ZNF317: variants seen among roughly 807,000 people sequenced by gnomAD.
ZNF317 encodes the protein zinc finger protein 317, also known as KRAB-containing zinc finger protein 317.
In ZNF317, 17 loss-of-function variants were observed where a neutral mutation model predicts 23.4. That is an observed-to-expected ratio of 0.73 (90% confidence interval 0.50 to 1.09). ZNF317 has a LOEUF of 1.09. ZNF317 is among the 50% of genes least tolerant of loss of function. The pLI is 0.00. For synonymous variants in ZNF317, 317 were observed against 314.9 expected (o/e 1.01, Z -0.07); for missense variants, 679 against 796.7 (o/e 0.85, Z 1.78).
chr19:9,156,335 C>G (rs2050782297), intron 2 of ZNF317, among the ~76,000 whole-genome samples: 1 of 152,156 alleles, frequency 6.6e-6, no homozygotes, highest in South Asian at 2.1e-4. Flanking sequence ...GGTCACAACT[C>G]TAGCTCTCAG....
chr19:9,156,709 C>T lies in ZNF317; in HGVS notation c.123C>T (p.Cys41=). ...CCCAGAATTTGGACCTGTTCGTGTG[C>T]AGTGGTCTGGAGCCTCACACACCCA... ...SCPQNLDLFV[C]SGLEPHTPSV... The change falls in exon 3 of 7, where the codon TGC becomes TGT. Residue 41 remains cysteine (C), a synonymous_variant. Transcript: ENST00000247956. 1.2e-6 allele frequency: 2 copies of T among 1,614,180 alleles called. No individual in the cohort carries two copies. The highest frequency in any genetic ancestry group is 1.7e-6 in the Non-Finnish European group (2 of 1,180,034).
intron 5 of ZNF317, among the ~76,000 whole-genome samples, chr19:9,158,356 C>CTTTTTTCTTTTTTTTTT (rs2050808933): frequency 1.3e-5 from 1 of 74,876 alleles, no homozygotes; most frequent in African/African-American, 6.7e-5. Context: ...CCTTAAATTT[C>CTTTTTTCTTTTTTTTTT]TTTTTTCTTT....
chr19:9,151,993 G>A (rs35023694), intron 1 of ZNF317, among the ~76,000 whole-genome samples: 10,055 of 146,086 alleles, frequency 0.069, 344 homozygotes, highest in Middle Eastern at 0.13. Context: ...TGCAAGCTCC[G>A]CCTCCCAGGT....
chr19:9,140,718 T>C (rs1313844674), intron 1 of ZNF317, 126 bp downstream of exon 1: 10 of 371,322 alleles, frequency 2.7e-5, no homozygotes, highest in Admixed American at 2.4e-4. Context: ...AGACGAGGGG[T>C]GCGTTTAGAT....
Position 9,160,462 on chromosome 19 carries a change from C to G in ZNF317, c.817C>G (p.Leu273Val). Residue 273 changes from leucine to valine, a missense_variant, in exon 7 of 7, where the codon CTC becomes GTC. By Grantham distance (32) the Leu-to-Val change is conservative. Coordinates refer to ENST00000247956, the MANE Select transcript of ZNF317 (RefSeq NM_020933.5). This position sits in a 1 kb window ranked among gnomAD's most constrained non-coding sequence, Gnocchi z 6.8. ...CCTTAGGAGCCACGCAAGAACTCACCTCAAAGAGAAGCCCTTTGACTGCAG... is the reference window on the plus strand; with the variant it reads ...CCTTAGGAGCCACGCAAGAACTCACGTCAAAGAGAAGCCCTTTGACTGCAG... ...SALRSHARTHLKEKPFDCSQC... is the reference protein window; with the variant it reads ...SALRSHARTHVKEKPFDCSQC... 2 of 1,613,900 alleles carry G rather than the reference C, an allele frequency of 1.2e-6. No homozygotes were observed. Among genetic ancestry groups the G allele is most frequent in the Non-Finnish European group, 8.5e-7 (1 of 1,179,976 alleles).
chr19:9,141,662 G>A (rs1397791174), intron 1 of ZNF317, among the ~76,000 whole-genome samples: 1 of 152,130 alleles, frequency 6.6e-6, no homozygotes, highest in African/African-American at 2.4e-5. Flanking sequence ...CCACATACTG[G>A]ACTTTTGTTT....
intron 1 of ZNF317, among the ~76,000 whole-genome samples, chr19:9,154,182 T>C (rs980218255): frequency 2.6e-4 from 39 of 152,202 alleles, no homozygotes; most frequent in African/African-American, 9.4e-4. Context: ...GTGAGAAGAC[T>C]GTTTAAATAA....
chr19:9,158,194 T>C, intron 5 of ZNF317, 119 bp downstream of exon 5: 1 of 1,301,246 alleles, frequency 7.7e-7, no homozygotes, highest in African/African-American at 1.5e-5. Context: ...CCTTCCCTCT[T>C]TTTGCCCATC....
chr19:9,154,742 GCAGAATTGTTGGAT>G (rs1243975835), intron 1 of ZNF317, among the ~76,000 whole-genome samples: 5 of 152,174 alleles, frequency 3.3e-5, no homozygotes, highest in African/African-American at 1.2e-4. Context: ...ATATCTAGGA[GCAGAATTGTTGGAT>G]CAGATAGTCA....
chr19:9,145,061 TGA>T (rs1014415667), intron 1 of ZNF317, among the ~76,000 whole-genome samples: 1 of 152,240 alleles, frequency 6.6e-6, no homozygotes, highest in African/African-American at 2.4e-5. Context: ...GTTTGTTTTC[TGA>T]GACAGAGTCT....
At chr19:9,141,295 C>T (rs191081413) in intron 1 of ZNF317, among the ~76,000 whole-genome samples, 1 of 152,126 alleles carries the variant, frequency 6.6e-6, no homozygotes, top group Non-Finnish European at 1.5e-5. Flanking sequence ...CGCAGACTTA[C>T]ACACACTTAA....
intron 1 of ZNF317, among the ~76,000 whole-genome samples, chr19:9,153,654 T>G (rs1057239253): frequency 6.6e-6 from 1 of 152,060 alleles, no homozygotes; most frequent in Non-Finnish European, 1.5e-5. Context: ...GAATCAGCCT[T>G]TAGTGGTGAA....
At chr19:9,159,692 G>A (rs2050825868) in intron 6 of ZNF317, among the ~76,000 whole-genome samples, 2 of 151,928 alleles carry the variant, frequency 1.3e-5, no homozygotes, top group African/African-American at 4.8e-5. Context: ...GATTACAGGT[G>A]TGCACCACCA....
chr19:9,150,018 G>T (rs981038576), intron 1 of ZNF317, among the ~76,000 whole-genome samples: 2 of 152,204 alleles, frequency 1.3e-5, no homozygotes, highest in Admixed American at 1.3e-4. Flanking sequence ...AGAAAGAGGA[G>T]AGTTGAAGGT....
At position 9,149,396 on chromosome 19, in the gene ZNF317, C is replaced by T. The variant is rs186349626; in HGVS notation, c.-92-6529C>T. Among the ~76,000 whole-genome samples the T allele has an allele frequency of 4.2e-4, 64 of 152,032 alleles. 1 individual carries two copies. The highest frequency in any genetic ancestry group is 1.1e-3 in the African/African-American group (47 of 41,476). On this transcript the variant is annotated intron_variant, in intron 1 of 6. Coordinates refer to ENST00000247956, the MANE Select transcript of ZNF317 (RefSeq NM_020933.5). ...CTGAGGCGGGAGAATCACTTGAACC[C>T]GGGAGGCGCAGGTTGCAGTGAGCTG...
At chr19:9,156,873 G>C (rs1300201491) in intron 3 of ZNF317, 125 bp downstream of exon 3, 5 of 1,210,106 alleles carry the variant, frequency 4.1e-6, no homozygotes, top group Non-Finnish European at 5.7e-6. Context: ...GCCCAAGAGA[G>C]AGCCAAGGAA....
rs530349595 is a variant in ZNF317 at position 9,140,483 on chromosome 19, G to A, written c.-202G>A. Reference sequence around the variant, plus strand: ...GGTCAGCGGCGAATTCTTTCGGCCTGTTGGGGACCCCTCGTGTCCCCACGC... The same window carrying A: ...GGTCAGCGGCGAATTCTTTCGGCCTATTGGGGACCCCTCGTGTCCCCACGC... On this transcript the variant is annotated 5_prime_UTR_variant, in exon 1 of 7. Transcript: ENST00000247956. 2.2e-6 allele frequency: 1 copy of A among 456,100 alleles called. No homozygotes were observed. The highest frequency in any genetic ancestry group is 4.4e-6 in the Non-Finnish European group (1 of 226,764). 28.3% of individuals were successfully genotyped at this position (456,100 alleles called of 1,614,324 possible).
intron 1 of ZNF317, among the ~76,000 whole-genome samples, chr19:9,141,484 G>T (rs775660059): frequency 6.6e-6 from 1 of 152,138 alleles, no homozygotes; most frequent in Non-Finnish European, 1.5e-5. Flanking sequence ...AATTATTTGT[G>T]AATGAACTCA....
chr19:9,157,771 G>A (rs2050801643), intron 4 of ZNF317: 4 of 1,314,142 alleles, frequency 3.0e-6, no homozygotes, highest in Non-Finnish European at 3.9e-6. Flanking sequence ...ACAGGCACGA[G>A]CCACCATGCT....
Sources: gnomAD v4.1 joint callset for allele counts (sites outside exome capture counted in the v4.1 genomes callset) on GRCh38, gnomAD v4.1.1 for gene constraint, Gnocchi (gnomAD v3.1) non-coding constraint, MANE v1.5 for transcripts, NCBI Gene and HGNC (gene_info 2026-07-23, HGNC 2026-07-21) for gene names.